The following SH3GL2 variants were observed in gnomAD, a reference collection of about 807,000 sequenced individuals.
The protein encoded by SH3GL2 is SH3 domain containing GRB2 like 2, endophilin A1.
A neutral mutation model predicts 46.0 loss-of-function variants in SH3GL2; 24 were observed. The ratio of observed to expected loss-of-function variants is 0.52; its 90% CI spans 0.38 to 0.73. The LOEUF (loss-of-function observed/expected upper bound fraction) is 0.73. SH3GL2 is among the 30% of genes least tolerant of loss of function. SH3GL2 has a pLI of 0.00. For synonymous variants in SH3GL2, 196 were observed against 147.1 expected (o/e 1.33, Z -2.40); for missense variants, 413 against 424.2 (o/e 0.97, Z 0.23).
chr9:17,729,294 G>A (rs7030970), intron 1 of SH3GL2, among the ~76,000 whole-genome samples: 34,297 of 151,540 alleles, frequency 0.23, 5,613 homozygotes, highest in African/African-American at 0.46. Context: ...TAAATCCTTC[G>A]CCCACTTTTT....
Position 17,786,543 on chromosome 9 carries a change from C to T in SH3GL2, c.331+19C>T. The T allele has an allele frequency of 6.2e-7, 1 of 1,609,778 alleles. No individual in the cohort carries two copies. Among genetic ancestry groups the T allele is most frequent in the Non-Finnish European group, 8.5e-7 (1 of 1,176,802 alleles). On this transcript the variant is annotated intron_variant, in intron 4 of 8. Coordinates refer to ENST00000380607, the MANE Select transcript of SH3GL2 (RefSeq NM_003026.5). Reference sequence around the variant, plus strand: ...AACTTTGGTAACAAGTGCTTCCTCACATTGTAATTCTTTCATTTGTCCATG... The same window carrying T: ...AACTTTGGTAACAAGTGCTTCCTCATATTGTAATTCTTTCATTTGTCCATG...
chr9:17,703,892 A>G (rs1158726298), intron 1 of SH3GL2, among the ~76,000 whole-genome samples: 19 of 152,084 alleles, frequency 1.2e-4, no homozygotes, highest in Admixed American at 1.2e-3. Context: ...GAAGAAGACA[A>G]GGATGCCCTC....
At chr9:17,750,615 C>T (rs187897225) in intron 2 of SH3GL2, among the ~76,000 whole-genome samples, 58 of 152,270 alleles carry the variant, frequency 3.8e-4, no homozygotes, top group African/African-American at 1.3e-3. Context: ...CTGTTGCTTA[C>T]AAGCTTTGTT....
intron 1 of SH3GL2, among the ~76,000 whole-genome samples, chr9:17,697,151 A>T (rs1821223674): frequency 6.6e-6 from 1 of 152,138 alleles, no homozygotes; most frequent in Non-Finnish European, 1.5e-5. Context: ...GATTGCTAAC[A>T]AACATATAGT....
intron 1 of SH3GL2, among the ~76,000 whole-genome samples, chr9:17,673,489 T>C (rs1820526952): frequency 6.6e-6 from 1 of 151,962 alleles, no homozygotes; most frequent in African/African-American, 2.4e-5. Context: ...GATCTTTGCC[T>C]GCTCAAGTCC....
intron 2 of SH3GL2, among the ~76,000 whole-genome samples, chr9:17,750,486 C>G (rs1822812033): frequency 6.6e-6 from 1 of 152,132 alleles, no homozygotes; most frequent in African/African-American, 2.4e-5. Context: ...GCCCTCCTCT[C>G]CCTGAGCTGA....
At chr9:17,652,982 A>G (rs78118356) in intron 1 of SH3GL2, among the ~76,000 whole-genome samples, 16 of 152,186 alleles carry the variant, frequency 1.1e-4, no homozygotes, top group East Asian at 3.9e-4. Flanking sequence ...CTGCAATTCT[A>G]TTCTGTCTGA....
intron 1 of SH3GL2, among the ~76,000 whole-genome samples, chr9:17,712,169 T>C (rs998142035): frequency 6.6e-6 from 1 of 151,834 alleles, no homozygotes; most frequent in South Asian, 2.1e-4. Flanking sequence ...GATTTTCTTA[T>C]TGTTTCTTTA....
intron 2 of SH3GL2, among the ~76,000 whole-genome samples, chr9:17,753,104 C>G (rs909587023): frequency 6.6e-6 from 1 of 152,110 alleles, no homozygotes; most frequent in Non-Finnish European, 1.5e-5. Context: ...TATCCAGTCT[C>G]TCACTGATGG....
chr9:17,670,958 C>T (rs908668398), intron 1 of SH3GL2, among the ~76,000 whole-genome samples: 5 of 152,114 alleles, frequency 3.3e-5, no homozygotes, highest in African/African-American at 1.2e-4. Flanking sequence ...TCTGAAGCAC[C>T]AGGTGATGCT....
chr9:17,647,321 T>A (rs1819842433), intron 1 of SH3GL2, among the ~76,000 whole-genome samples: 3 of 152,214 alleles, frequency 2.0e-5, no homozygotes, highest in Non-Finnish European at 4.4e-5. Context: ...CTAGGCAAGG[T>A]CACATTGTTT....
chr9:17,677,779 C>T (rs553857056), intron 1 of SH3GL2, among the ~76,000 whole-genome samples: 2 of 151,920 alleles, frequency 1.3e-5, no homozygotes, highest in Non-Finnish European at 2.9e-5. Flanking sequence ...TCCCTCCTAC[C>T]TCCCCCCACC....
At chr9:17,768,109 C>T (rs190850453) in intron 3 of SH3GL2, among the ~76,000 whole-genome samples, 37 of 152,250 alleles carry the variant, frequency 2.4e-4, no homozygotes, top group Admixed American at 1.9e-3. Context: ...CAGTAGCTCA[C>T]GCCTATAATC....
intron 1 of SH3GL2, among the ~76,000 whole-genome samples, chr9:17,639,377 A>C (rs781655618): frequency 2.0e-5 from 3 of 152,258 alleles, no homozygotes; most frequent in Non-Finnish European, 2.9e-5. Context: ...CCCAATAAAA[A>C]TATAGACAAA....
intron 1 of SH3GL2, among the ~76,000 whole-genome samples, chr9:17,585,654 A>C (rs1264847062): frequency 6.6e-6 from 1 of 152,218 alleles, no homozygotes; most frequent in Non-Finnish European, 1.5e-5. Context: ...ACTGTGGGCA[A>C]GTGCCTTTAC....
chr9:17,633,186 A>G (rs1181837362), intron 1 of SH3GL2, among the ~76,000 whole-genome samples: 1 of 152,098 alleles, frequency 6.6e-6, no homozygotes, highest in Non-Finnish European at 1.5e-5. Flanking sequence ...GCAATCTGGG[A>G]AGGGAGCTTT....
chr9:17,584,550 G>C (rs144389817), intron 1 of SH3GL2, among the ~76,000 whole-genome samples: 50 of 152,252 alleles, frequency 3.3e-4, no homozygotes, highest in African/African-American at 1.2e-3. Flanking sequence ...GAAAGTGGAT[G>C]TTTCTTACAA....
intron 1 of SH3GL2, among the ~76,000 whole-genome samples, chr9:17,669,217 A>G (rs1034073192): frequency 6.6e-6 from 1 of 151,862 alleles, no homozygotes; most frequent in Admixed American, 6.5e-5. Context: ...AAACGGTAGT[A>G]TGGTATCAAA....
In SH3GL2 at chr9:17,733,370, C is replaced by T. The variant is rs530883280; in HGVS notation, c.46-13696C>T. On this transcript the variant is annotated intron_variant, in intron 1 of 8. Transcript: ENST00000380607. The stretch of plus-strand genomic sequence containing the variant: ...ATACATGTGACATGCTGGTGTGCTG[C>T]ACCCACTAACTTGTCATCTAGCATT... Among the ~76,000 whole-genome samples, 1,004 of 151,930 alleles carry T rather than the reference C, an allele frequency of 6.6e-3. 4 individuals are homozygous for T. Among genetic ancestry groups the T allele is most frequent in the Non-Finnish European group, 0.01 (705 of 67,956 alleles).
Sources: allele counts gnomAD v4.1 joint callset (sites outside exome capture counted in the v4.1 genomes callset), GRCh38; gene constraint gnomAD v4.1.1; transcripts MANE v1.5; gene names NCBI Gene and HGNC (gene_info 2026-07-23, HGNC 2026-07-21).